CRYL1: variants seen among roughly 807,000 people sequenced by gnomAD.
CRYL1 encodes the protein crystallin lambda 1.
In CRYL1, 29 loss-of-function variants were observed where a neutral mutation model predicts 36.6. The ratio of observed to expected loss-of-function variants is 0.79; its 90% CI spans 0.59 to 1.08. The LOEUF (loss-of-function observed/expected upper bound fraction) is 1.08. Among genes scored for constraint, CRYL1 ranks in the 50% least tolerant of loss-of-function variants. CRYL1 has a pLI of 0.00. For synonymous variants in CRYL1, 152 were observed against 151.5 expected (o/e 1.00, Z -0.02); for missense variants, 411 against 407.9 (o/e 1.01, Z -0.06).
chr13:20,420,700 G>GGTTTTTTTTTTTTTT (rs2031779673), intron 5 of CRYL1, among the ~76,000 whole-genome samples: 1 of 36,430 alleles, frequency 2.7e-5, no homozygotes, highest in Non-Finnish European at 7.2e-5. Context: ...TAAAATAGAG[G>GGTTTTTTTTTTTTTT]TTGTGTGTGT....
At position 20,470,921 on chromosome 13, in the gene CRYL1, A is replaced by C. The variant is rs562911343; in HGVS notation, c.276+18449T>G. ...GCAAAACTCCATCTCAAAAAAAAAA[A>C]AAAAACAAAAAAAAAAACCCATGAC... On this transcript the variant is annotated intron_variant, in intron 3 of 7. Transcript: ENST00000298248. 3.9e-4 allele frequency among the ~76,000 whole-genome samples: 59 copies of C among 150,284 alleles called. No homozygotes were observed. In the East Asian group the frequency reaches 8.9e-3, roughly 23 times the overall value.
intron 2 of CRYL1, among the ~76,000 whole-genome samples, chr13:20,496,838 C>A (rs1300537448): frequency 1.5e-5 from 1 of 68,602 alleles, no homozygotes; most frequent in African/African-American, 4.8e-5. Context: ...GAGCAAGACC[C>A]CGTCTCAAAA....
chr13:20,523,004 C>T (rs1219884748), intron 1 of CRYL1, among the ~76,000 whole-genome samples: 1 of 142,956 alleles, frequency 7.0e-6, no homozygotes, highest in Non-Finnish European at 1.5e-5. Context: ...GAAACCTCCG[C>T]CTCCTGAGTT....
At chr13:20,513,823 T>C (rs149747317) in intron 1 of CRYL1, 2 of 151,422 alleles carry the variant, frequency 1.3e-5, no homozygotes, top group African/African-American at 4.9e-5. Flanking sequence ...CAGGACTCCC[T>C]GGAGAAATGG....
At chr13:20,485,012 T>TTTGTTGTTG (rs920124290) in intron 3 of CRYL1, among the ~76,000 whole-genome samples, 1 of 151,834 alleles carries the variant, frequency 6.6e-6, no homozygotes, top group African/African-American at 2.4e-5. Flanking sequence ...TGCACTAGGT[T>TTTGTTGTTG]TTGTTGTTGT....
intron 1 of CRYL1, among the ~76,000 whole-genome samples, chr13:20,523,631 G>C (rs535531500): frequency 1.3e-5 from 2 of 152,050 alleles, no homozygotes; most frequent in African/African-American, 4.8e-5. Flanking sequence ...ATAGAGGGAC[G>C]AGAAAGAAGG....
At chr13:20,428,018 C>A (rs2031970904) in intron 5 of CRYL1, among the ~76,000 whole-genome samples, 1 of 152,170 alleles carries the variant, frequency 6.6e-6, no homozygotes, top group Admixed American at 6.5e-5. Flanking sequence ...AAATTAAATT[C>A]ATCGTTAGAA....
At chr13:20,467,325 A>G (rs1287943535) in intron 3 of CRYL1, among the ~76,000 whole-genome samples, 2 of 152,238 alleles carry the variant, frequency 1.3e-5, no homozygotes, top group South Asian at 2.1e-4. Context: ...ATAAACATGT[A>G]GTAAAAAATA....
intron 3 of CRYL1, among the ~76,000 whole-genome samples, chr13:20,477,584 T>C (rs1171240740): frequency 2.0e-5 from 3 of 149,960 alleles, no homozygotes; most frequent in Non-Finnish European, 3.0e-5. Context: ...TAGTAAGAGA[T>C]TGACACACAG....
At chr13:20,494,116 C>G (rs1184923576) in intron 2 of CRYL1, among the ~76,000 whole-genome samples, 2 of 152,172 alleles carry the variant, frequency 1.3e-5, no homozygotes, top group Non-Finnish European at 2.9e-5. Context: ...GCAGCAGTGG[C>G]TAAGCCTTGG....
rs570024235 is a variant in CRYL1 at position 20,510,269 on chromosome 13, C to T, written c.149+2174G>A. ...ACCTGGAAGCACCCAAGATGTTCTTCAGTGGGTGAATAGATAAATAAATTG... is the reference window on the plus strand; with the variant it reads ...ACCTGGAAGCACCCAAGATGTTCTTTAGTGGGTGAATAGATAAATAAATTG... On this transcript the variant is annotated intron_variant, in intron 2 of 7. Transcript: ENST00000298248. Among the ~76,000 whole-genome samples the T allele has an allele frequency of 5.2e-4, 79 of 152,286 alleles. No homozygotes were observed. In the South Asian group the frequency reaches 0.015, roughly 29 times the overall value.
Position 20,430,461 on chromosome 13 carries a change from C to T in CRYL1, c.633+1641G>A, listed in dbSNP as rs2032034051. 3.0e-6 allele frequency: 3 copies of T among 985,386 alleles called. No homozygotes were observed. In the African/African-American group the frequency reaches 5.2e-5, roughly 17 times the overall value. The allele number at this position is 985,386 out of a possible 1,614,324, so 61.0% of individuals were successfully genotyped here. On this transcript the variant is annotated intron_variant, in intron 5 of 7. Transcript: ENST00000298248. ...CCCGCTAGCCAGTAACACAATGTCA[C>T]TCAGGCTGCCATGACCCATGAAGAG...
At chr13:20,447,497 T>C (rs1243854393) in intron 3 of CRYL1, among the ~76,000 whole-genome samples, 1 of 151,830 alleles carries the variant, frequency 6.6e-6, no homozygotes, top group Non-Finnish European at 1.5e-5. Flanking sequence ...CTCCTACTAC[T>C]AAATCAGAGC....
At chr13:20,473,064 G>A (rs1458477027) in intron 3 of CRYL1, 3 of 152,238 alleles carry the variant, frequency 2.0e-5, no homozygotes, top group Non-Finnish European at 4.4e-5. Context: ...GAGCAAACTC[G>A]AGTGCCCGTA....
chr13:20,459,047 A>G (rs1220167877), intron 3 of CRYL1, among the ~76,000 whole-genome samples: 1 of 152,102 alleles, frequency 6.6e-6, no homozygotes, highest in African/African-American at 2.4e-5. Context: ...CATCCTGGCT[A>G]ACACGGTGAA....
At chr13:20,499,470 A>C (rs950773703) in intron 2 of CRYL1, among the ~76,000 whole-genome samples, 3 of 146,032 alleles carry the variant, frequency 2.1e-5, no homozygotes, top group Non-Finnish European at 4.5e-5. Flanking sequence ...AACACGGTGA[A>C]ACCCCATCTC....
chr13:20,483,374 G>A (rs1294734931), intron 3 of CRYL1, among the ~76,000 whole-genome samples: 1 of 152,104 alleles, frequency 6.6e-6, no homozygotes, highest in Non-Finnish European at 1.5e-5. Context: ...CTGTCGCGCA[G>A]GCTGGAGGGC....
chr13:20,424,324 T>C (rs780562356), intron 5 of CRYL1, among the ~76,000 whole-genome samples: 4 of 152,154 alleles, frequency 2.6e-5, no homozygotes, highest in Non-Finnish European at 4.4e-5. Context: ...AGAAGCAGCA[T>C]GTGGACTCTG....
At chr13:20,404,874 A>C (rs902658696) in intron 6 of CRYL1, 133 bp from the exon 7 acceptor site, 13 of 674,476 alleles carry the variant, frequency 1.9e-5, no homozygotes, top group Middle Eastern at 3.9e-4. Flanking sequence ...CTGTGAAGAC[A>C]AGACAGAGCT....
Sources: gnomAD v4.1 joint callset for allele counts (sites outside exome capture counted in the v4.1 genomes callset) on GRCh38, gnomAD v4.1.1 for gene constraint, MANE v1.5 for transcripts, NCBI Gene and HGNC (gene_info 2026-07-23, HGNC 2026-07-21) for gene names.